The following TMEM237 variants were observed in gnomAD, a reference collection of about 807,000 sequenced individuals.
TMEM237 encodes amyotrophic lateral sclerosis 2 (juvenile) chromosome region, candidate 4.
In TMEM237, 51 loss-of-function variants were observed where a neutral mutation model predicts 59.1. The observed-to-expected ratio is 0.86, with a 90% CI of 0.69 to 1.09. The LOEUF is 1.09. Among genes scored for constraint, TMEM237 ranks in the 50% least tolerant of loss-of-function variants. The pLI is 0.00. For missense variants in TMEM237, 475 were observed against 478.3 expected, an observed-to-expected ratio of 0.99 and a Z score of 0.06; for synonymous variants, 140 against 166.1, an observed-to-expected ratio of 0.84 and a Z score of 1.21.
intron 5 of TMEM237, among the ~76,000 whole-genome samples, chr2:201,634,157 C>G (rs1687249701): frequency 6.6e-6 from 1 of 151,838 alleles, no homozygotes; most frequent in Non-Finnish European, 1.5e-5. Context: ...CCAATCTTAT[C>G]AGCAGGCTTT....
At position 201,629,907 on chromosome 2, in the gene TMEM237, AT is replaced by A. The variant is rs377654281; in HGVS notation, c.554-56del. On this transcript the variant is annotated intron_variant, in intron 7 of 12. Coordinates refer to ENST00000409883, the MANE Select transcript of TMEM237 (RefSeq NM_001044385.3). ...CTAGCGAGAGAGAACCCTGGTAGCC[AT>A]TTTTTTTTTTAAATTCCATACTCAG... The A allele has an allele frequency of 0.12, 130,882 of 1,101,822 alleles. 2,313 individuals carry two copies. The highest frequency in any genetic ancestry group is 0.19 in the African/African-American group (12,219 of 63,844). The allele number at this position is 1,101,822 out of a possible 1,614,324, so 68.3% of individuals were successfully genotyped here.
chr2:201,642,312 G>A (rs565764916), intron 1 of TMEM237, among the ~76,000 whole-genome samples: 97 of 152,206 alleles, frequency 6.4e-4, no homozygotes, highest in African/African-American at 2.2e-3. Flanking sequence ...CCATTCGTTC[G>A]AACAGTAGAT....
At chr2:201,640,407 ATAGC>A (rs1326332988) in intron 2 of TMEM237, 142 bp from the exon 3 acceptor site, 1 of 800,940 alleles carries the variant, frequency 1.2e-6, no homozygotes, top group African/African-American at 1.8e-5. Flanking sequence ...CTTTCACATA[ATAGC>A]TAGTTTACAA....
At chr2:201,629,202 T>TA in intron 9 of TMEM237, 28 bp downstream of exon 9, 3 of 1,463,256 alleles carry the variant, frequency 2.1e-6, no homozygotes, top group Non-Finnish European at 9.0e-7. Flanking sequence ...CTGAAGAAGT[T>TA]AGACAGATCT....
In TMEM237 at chr2:201,633,346, C is replaced by A; in HGVS notation, c.360G>T (p.Glu120Asp). Residue 120 changes from glutamate to aspartate, a missense_variant, in exon 6 of 13, where the codon GAG (glutamate) becomes GAT (aspartate). Physicochemically the swap from Glu to Asp is conservative, Grantham distance 45. Transcript: ENST00000409883. ...TCCGAGGTTTTTGAATAACTGCCTC[C>A]TCAGCTGGCTCCGCATCAATACCAT... ...NENGIDAEPA[E>D]EAVIQKPRRK... 2 of 1,597,658 alleles carry A rather than the reference C, an allele frequency of 1.3e-6. No individual in the cohort carries two copies. Among genetic ancestry groups the A allele is most frequent in the South Asian group, 2.3e-5 (2 of 87,584 alleles).
At chr2:201,631,521 A>G (rs2105899928) in intron 7 of TMEM237, 1 of 152,710 alleles carries the variant, frequency 6.5e-6, no homozygotes, top group Admixed American at 6.5e-5. Flanking sequence ...CTTATTGTCA[A>G]TTGTAGAATT....
At chr2:201,639,153 G>A (rs1411918105) in intron 3 of TMEM237, 108 bp from the exon 4 acceptor site, 8 of 1,033,324 alleles carry the variant, frequency 7.7e-6, no homozygotes, top group Non-Finnish European at 1.0e-5. Flanking sequence ...CTCTTCCCTG[G>A]GCCTGGCAAA....
At chr2:201,626,227 G>GA in intron 11 of TMEM237, 80 bp from the exon 12 acceptor site, 1 of 1,465,888 alleles carries the variant, frequency 6.8e-7, no homozygotes, top group South Asian at 1.3e-5. Context: ...TGAACTTTAA[G>GA]AAAAAACAGC....
At chr2:201,630,829 G>GTTA (rs1957801245) in intron 7 of TMEM237, 1 of 152,174 alleles carries the variant, frequency 6.6e-6, no homozygotes, top group Admixed American at 6.5e-5. Context: ...CACTGGGTAA[G>GTTA]TCAGCCTCTC....
Position 201,632,167 on chromosome 2 carries a change from C to G in TMEM237, c.437G>C (p.Gly146Ala), listed in dbSNP as rs184256195. The G allele has an allele frequency of 6.2e-6, 10 of 1,613,874 alleles. No homozygotes were observed. In the Admixed American group the frequency reaches 1.7e-4, roughly 27 times the overall value. Residue 146 changes from glycine to alanine, a missense_variant, in exon 7 of 13, where the codon GGA becomes GCA. Coordinates refer to ENST00000409883, the MANE Select transcript of TMEM237 (RefSeq NM_001044385.3). The stretch of plus-strand genomic sequence containing the variant: ...AGTGATTATGTCTTCATCTTCTACT[C>G]CTAGCTCATTGGCATACTGTAATTC... ...PAELQYANEL[G>A]VEDEDIITDE...
intron 9 of TMEM237, 70 bp downstream of exon 9, chr2:201,629,160 G>A: frequency 8.3e-7 from 1 of 1,198,202 alleles, no homozygotes; most frequent in East Asian, 2.6e-5. Context: ...AAACTATCAT[G>A]GTCAGTGACA....
At chr2:201,642,737 G>T in intron 1 of TMEM237, 1 of 1,498,440 alleles carries the variant, frequency 6.7e-7, no homozygotes, top group Non-Finnish European at 8.9e-7. Context: ...GCGCCGCCTG[G>T]CTAGTACCCC....
In TMEM237 at chr2:201,634,071, C is replaced by T. The variant is rs77659694; in HGVS notation, c.275-640G>A. Among the ~76,000 whole-genome samples the T allele has an allele frequency of 2.2e-3, 330 of 152,282 alleles. 1 individual carries two copies. Among genetic ancestry groups the T allele is most frequent in the African/African-American group, 7.3e-3 (304 of 41,540 alleles). On this transcript the variant is annotated intron_variant, in intron 5 of 12. Transcript: ENST00000409883. The stretch of plus-strand genomic sequence containing the variant: ...GTGTGCACAAATGCACCGTGAGTCA[C>T]CTTATAATTTAGGGAAAGTTTTCTA...
intron 6 of TMEM237, 102 bp downstream of exon 6, chr2:201,633,209 C>T: frequency 8.4e-7 from 1 of 1,188,092 alleles, no homozygotes; most frequent in Non-Finnish European, 1.1e-6. Context: ...TACACAAATA[C>T]AAGTATGTAA....
rs374399278 is a variant in TMEM237, at chr2:201,629,413, C to A, written c.686G>T (p.Gly229Val). Residue 229 changes from glycine to valine, a missense_variant, in exon 9 of 13, where the codon GGT becomes GTT. Transcript: ENST00000409883. ...LTVHRAFRMI[G>V]LFSHGFLAGC... is the part of the protein sequence containing the mutation. ...AGCCAAGAATCCATGAGAAAAGAGA[C>A]CAATCATCCTGAATGGAAAAGGGTT... The A allele has an allele frequency of 4.5e-6, 7 of 1,563,856 alleles. No homozygotes were observed. The African/African-American group carries it at 9.7e-5, about 22-fold the overall frequency.
At chr2:201,632,236 T>C in intron 6 of TMEM237, 28 bp from the exon 7 acceptor site, 1 of 1,609,680 alleles carries the variant, frequency 6.2e-7, no homozygotes, top group Non-Finnish European at 8.5e-7. Flanking sequence ...GTATGAAAAA[T>C]AGATGATTAT....
At chr2:201,641,723 C>T (rs74267256) in intron 1 of TMEM237, among the ~76,000 whole-genome samples, 3 of 108,092 alleles carry the variant, frequency 2.8e-5, no homozygotes, top group African/African-American at 1.1e-4. Flanking sequence ...TATATATATA[C>T]ACAAGATACA....
rs1164014351 is a variant in TMEM237, at chr2:201,621,579, A to C, written c.*2676T>G. 1 of 152,624 alleles carries C rather than the reference A, an allele frequency of 6.6e-6. No individual in the cohort carries two copies. The highest frequency in any genetic ancestry group is 1.5e-5 in the Non-Finnish European group (1 of 68,036). 9.5% of individuals were successfully genotyped at this position (152,624 alleles called of 1,614,324 possible). A position where few individuals can be genotyped will look rare whatever the true frequency, so the allele number is the denominator to read the frequency against. ...TCAGAAAAAAAGAGATCAACAGAAA[A>C]AAAGCGAATCCCATAAAATTACATA... On this transcript the variant is annotated 3_prime_UTR_variant, in exon 13 of 13. Coordinates refer to ENST00000409883, the MANE Select transcript of TMEM237 (RefSeq NM_001044385.3).
intron 4 of TMEM237, among the ~76,000 whole-genome samples, chr2:201,637,783 A>C (rs956872587): frequency 6.6e-6 from 1 of 152,230 alleles, no homozygotes; most frequent in African/African-American, 2.4e-5. Flanking sequence ...TCAATAAACA[A>C]ATGAAAATGT....
Sources: allele counts gnomAD v4.1 joint callset (sites outside exome capture counted in the v4.1 genomes callset), GRCh38; gene constraint gnomAD v4.1.1; transcripts MANE v1.5; gene names NCBI Gene and HGNC (gene_info 2026-07-23, HGNC 2026-07-21).